HERC3: variants seen among roughly 807,000 people sequenced by gnomAD.
HERC3 encodes probable E3 ubiquitin-protein ligase HERC3.
A neutral mutation model predicts 129.9 loss-of-function variants in HERC3; 58 were observed. The ratio of observed to expected loss-of-function variants is 0.45; its 90% CI spans 0.36 to 0.56. The LOEUF is 0.56. Among genes scored for constraint, HERC3 ranks in the 20% least tolerant of loss-of-function variants. HERC3 has a pLI of 0.00. For synonymous variants in HERC3, 430 were observed against 451.0 expected, an observed-to-expected ratio of 0.95 and a Z score of 0.59; for missense variants, 835 against 1,244.2, an observed-to-expected ratio of 0.67 and a Z score of 4.95.
Position 88,670,019 on chromosome 4 carries a change from A to G in HERC3, c.1793A>G (p.Tyr598Cys), listed in dbSNP as rs1731445700. 1.9e-6 allele frequency: 3 copies of G among 1,613,788 alleles called. No individual in the cohort carries two copies. Among genetic ancestry groups the G allele is most frequent in the East Asian group, 2.2e-5 (1 of 44,846 alleles). The change falls in exon 15 of 26, where the codon TAT (tyrosine) becomes TGT (cysteine). Residue 598 changes from tyrosine to cysteine, a missense_variant. Transcript: ENST00000402738. ...TAALKLLEKL[Y>C]KVNLKVKHVE... ...GCTCTCAAACTCTTGGAGAAGTTAT[A>G]TAAGGTGAGCATAGGAGGTGCTAGT...
Position 88,640,838 on chromosome 4 carries a change from A to G in HERC3, c.227-9002A>G, listed in dbSNP as rs933237088. Among the ~76,000 whole-genome samples, 119 of 152,210 alleles carry G rather than the reference A, an allele frequency of 7.8e-4. 2 individuals carry two copies. The highest frequency in any genetic ancestry group is 2.8e-3 in the African/African-American group (116 of 41,468). ...AATACTTGAAACAAAAACTTACAGA[A>G]ATAAAAGGAAAAATAGACAAATCTA... On this transcript the variant is annotated intron_variant, in intron 3 of 25. Transcript: ENST00000402738.
In HERC3 at chr4:88,667,460, A is replaced by G. The variant is rs745804704; in HGVS notation, c.1415A>G (p.Asn472Ser). ...AGGGTGTTATTTGAGAAGTTAATGA[A>G]CTCTCAGCACTCCATGATTCTAGAA... is the stretch of plus-strand genomic sequence containing the variant. ...STRVLFEKLM[N>S]SQHSMILEQI... The change falls in exon 13 of 26, where the codon AAC (asparagine) becomes AGC (serine). Residue 472 changes from asparagine to serine, a missense_variant. Physicochemically the swap from Asn to Ser is conservative, Grantham distance 46 (BLOSUM62 1). Transcript: ENST00000402738. The G allele has an allele frequency of 1.3e-6, 2 of 1,598,342 alleles. No individual in the cohort carries two copies. Among genetic ancestry groups the G allele is most frequent in the East Asian group, 2.2e-5 (1 of 44,642 alleles).
chr4:88,702,159 G>A (rs911692426), intron 23 of HERC3, among the ~76,000 whole-genome samples: 21 of 152,134 alleles, frequency 1.4e-4, no homozygotes, highest in African/African-American at 4.8e-4. Flanking sequence ...TCTTATGTAT[G>A]CATCATATTT....
At chr4:88,572,825 T>A in the HERC3 span, among the ~76,000 whole-genome samples, 70 of 150,952 alleles carry the variant, frequency 4.6e-4, no homozygotes, top group African/African-American at 1.7e-3. Context: ...AAAATAATAA[T>A]AATAATAATT....
At chr4:88,627,773 G>A (rs1351548538) in intron 3 of HERC3, among the ~76,000 whole-genome samples, 2 of 151,876 alleles carry the variant, frequency 1.3e-5, no homozygotes, top group Non-Finnish European at 2.9e-5. Flanking sequence ...GTATGGTGGT[G>A]CATGCCTGTA....
chr4:88,691,462 T>C (rs1364367924), intron 23 of HERC3, among the ~76,000 whole-genome samples: 1 of 152,220 alleles, frequency 6.6e-6, no homozygotes, highest in Non-Finnish European at 1.5e-5. Context: ...GCCAGCATGG[T>C]TAGGTTCTGG....
At chr4:88,595,912 G>T (rs571006713) in intron 2 of HERC3, among the ~76,000 whole-genome samples, 28 of 145,818 alleles carry the variant, frequency 1.9e-4, no homozygotes, top group African/African-American at 7.4e-4. Flanking sequence ...GCAGTGGCGG[G>T]ATCTCGGCTC....
At chr4:88,686,044 A>G (rs897553907) in intron 21 of HERC3, among the ~76,000 whole-genome samples, 1 of 152,144 alleles carries the variant, frequency 6.6e-6, no homozygotes, top group Admixed American at 6.5e-5. Context: ...TTTATGCTGA[A>G]TTACACAGAG....
At chr4:88,649,341 C>T (rs144741773) in intron 3 of HERC3, among the ~76,000 whole-genome samples, 1 of 152,220 alleles carries the variant, frequency 6.6e-6, no homozygotes, top group East Asian at 1.9e-4. Flanking sequence ...CTTCTGTTTC[C>T]TGGCTGGATA....
chr4:88,528,816 G>C, the HERC3 span, among the ~76,000 whole-genome samples: 1 of 152,094 alleles, frequency 6.6e-6, no homozygotes. Context: ...ACATGCACAA[G>C]ACTTCCGGTG....
chr4:88,540,930 C>T, the HERC3 span, among the ~76,000 whole-genome samples: 2 of 152,198 alleles, frequency 1.3e-5, no homozygotes, highest in South Asian at 4.1e-4. Flanking sequence ...CTTACAAGAG[C>T]TCCTGAAGGA....
the HERC3 span, among the ~76,000 whole-genome samples, chr4:88,549,482 G>C: frequency 6.6e-6 from 1 of 152,064 alleles, no homozygotes; most frequent in Non-Finnish European, 1.5e-5. Flanking sequence ...CCTTTATGGA[G>C]TCCCCAAATA....
At chr4:88,676,877 T>C (rs1732225986) in intron 18 of HERC3, among the ~76,000 whole-genome samples, 1 of 152,238 alleles carries the variant, frequency 6.6e-6, no homozygotes, top group South Asian at 2.1e-4. Flanking sequence ...GTGCAGTGGC[T>C]CATGCCTATA....
At chr4:88,555,166 C>T in the HERC3 span, among the ~76,000 whole-genome samples, 9 of 151,664 alleles carry the variant, frequency 5.9e-5, 1 homozygote, top group South Asian at 1.5e-3. Context: ...GCCTGTAGTC[C>T]CAGCTACTCG....
chr4:88,664,510 C>T (rs971137286), intron 12 of HERC3, among the ~76,000 whole-genome samples: 12 of 152,112 alleles, frequency 7.9e-5, no homozygotes, highest in African/African-American at 2.4e-4. Flanking sequence ...TGATGCTTTG[C>T]GCAAAAATTG....
chr4:88,656,605 C>T (rs1729925657), intron 9 of HERC3: 1 of 152,570 alleles, frequency 6.6e-6, no homozygotes, highest in African/African-American at 2.4e-5. Flanking sequence ...GCCTCACCTC[C>T]AACATTGGGA....
upstream of HERC3, among the ~76,000 whole-genome samples, chr4:88,589,039 TA>T (rs200954398): frequency 2.5e-3 from 386 of 151,632 alleles, 3 homozygotes; most frequent in African/African-American, 8.8e-3. Flanking sequence ...TCCTGTCTCT[TA>T]AAAAAAAAGT....
chr4:88,689,466 C>T (rs887961667), intron 23 of HERC3, among the ~76,000 whole-genome samples: 2 of 151,214 alleles, frequency 1.3e-5, no homozygotes, highest in Non-Finnish European at 2.9e-5. Context: ...CTGTAGTAAG[C>T]CATGATCATG....
intron 3 of HERC3, among the ~76,000 whole-genome samples, chr4:88,618,897 C>A (rs1292264775): frequency 6.6e-6 from 1 of 152,170 alleles, no homozygotes; most frequent in Non-Finnish European, 1.5e-5. Context: ...TTTAAATGAA[C>A]CATCAGCTTT....
Sources: allele counts gnomAD v4.1 joint callset (sites outside exome capture counted in the v4.1 genomes callset), GRCh38; gene constraint gnomAD v4.1.1; transcripts MANE v1.5; gene names NCBI Gene and HGNC (gene_info 2026-07-23, HGNC 2026-07-21).